The following PBX3 variants were observed in gnomAD, a reference collection of about 807,000 sequenced individuals.
PBX3 encodes pre-B-cell leukemia transcription factor 3.
Under a neutral mutation model 48.5 loss-of-function variants are expected in PBX3, and 14 were observed. The ratio of observed to expected loss-of-function variants is 0.29; its 90% CI spans 0.19 to 0.45. PBX3 has a LOEUF of 0.45. Among genes scored for constraint, PBX3 ranks in the 20% least tolerant of loss-of-function variants. PBX3 has a pLI of 1.00. For missense variants in PBX3, 386 were observed against 546.7 expected (o/e 0.71, Z 2.93); for synonymous variants, 210 against 200.3 (o/e 1.05, Z -0.41).
intron 2 of PBX3, among the ~76,000 whole-genome samples, chr9:125,877,880 A>G (rs528800068): frequency 6.6e-6 from 1 of 152,218 alleles, no homozygotes; most frequent in African/African-American, 2.4e-5. Flanking sequence ...TATGAGAATT[A>G]CTCTTAATCT....
At position 125,832,430 on chromosome 9, in the gene PBX3, C is replaced by T. The variant is rs993470708; in HGVS notation, c.275-83256C>T. Among the ~76,000 whole-genome samples the T allele has an allele frequency of 7.2e-5, 11 of 152,208 alleles. No homozygotes were observed. In the South Asian group the frequency reaches 2.3e-3, roughly 32 times the overall value. ...CAGGATGGTCTCGATCTCCTTACCT[C>T]GTGATCCACCCGCCTCGGCCTCCCA... On this transcript the variant is annotated intron_variant, in intron 2 of 8. Transcript: ENST00000373489.
In PBX3 at chr9:125,780,727, A is replaced by AC. The variant is rs371791479; in HGVS notation, c.274+32112dup. Among the ~76,000 whole-genome samples the AC allele has an allele frequency of 2.7e-4, 20 of 73,644 alleles. 1 individual carries two copies. Among genetic ancestry groups the AC allele is most frequent in the Non-Finnish European group, 4.7e-4 (18 of 38,304 alleles). 48.3% of individuals were successfully genotyped at this position (73,644 alleles called of 152,430 possible). ...CACCTCCCTCCCGGACGGGGGGCTGACCCCCCCCACCTCCCTCCCGGACAG... is the reference window on the plus strand; with the variant it reads ...CACCTCCCTCCCGGACGGGGGGCTGACCCCCCCCCACCTCCCTCCCGGACAG... On this transcript the variant is annotated intron_variant, in intron 2 of 8. Coordinates refer to ENST00000373489, the MANE Select transcript of PBX3 (RefSeq NM_006195.6).
At position 125,959,645 on chromosome 9, in the gene PBX3, A is replaced by G. The variant is rs377069523; in HGVS notation, c.844-1039A>G. Among the ~76,000 whole-genome samples, 15 of 152,350 alleles carry G rather than the reference A, an allele frequency of 9.8e-5. No homozygotes were observed. In the South Asian group the frequency reaches 2.9e-3, roughly 29 times the overall value. On this transcript the variant is annotated intron_variant, in intron 5 of 8. Transcript: ENST00000373489. ...TACATACTACTCCTTACGTCTCTTC[A>G]GGGCCCCTATGAATAGCTGTTAAGT... is the stretch of plus-strand genomic sequence containing the variant.
At chr9:125,856,489 A>G (rs1023241276) in intron 2 of PBX3, among the ~76,000 whole-genome samples, 32 of 152,236 alleles carry the variant, frequency 2.1e-4, no homozygotes, top group African/African-American at 7.7e-4. Flanking sequence ...CTGTATTTGC[A>G]GTGATCGGGG....
In PBX3 at chr9:125,929,771, T is replaced by G. The variant is rs1453162545; in HGVS notation, c.633T>G (p.Ser211Arg). The G allele has an allele frequency of 6.2e-7, 1 of 1,614,034 alleles. No homozygotes were observed. The highest frequency in any genetic ancestry group is 2.2e-5 in the East Asian group (1 of 44,874). The change falls in exon 4 of 9, where the codon AGT becomes AGG. Residue 211 changes from serine to arginine, a missense_variant. Around this residue, in one of 4 missense-constraint regions of PBX3, gnomAD observed 74 missense variants for 206.1 expected, o/e 0.36. Coordinates refer to ENST00000373489, the MANE Select transcript of PBX3 (RefSeq NM_006195.6). ...TGGGCATCATCCATCGAAAATTTAG[T>G]TCCATTCAGATGCAGCTCAAACAAA... ...RMVGIIHRKF[S>R]SIQMQLKQST... is the part of the protein sequence containing the mutation.
At chr9:125,802,497 T>G (rs560727993) in intron 2 of PBX3, among the ~76,000 whole-genome samples, 1 of 150,462 alleles carries the variant, frequency 6.6e-6, no homozygotes, top group African/African-American at 2.4e-5. Context: ...GCCTCCCAAG[T>G]AGCTGAGACT....
chr9:125,768,540 A>G (rs564607784), intron 2 of PBX3, among the ~76,000 whole-genome samples: 39 of 152,346 alleles, frequency 2.6e-4, no homozygotes, highest in Admixed American at 5.9e-4. Flanking sequence ...ATGTTATCCT[A>G]AACAGCATTT....
intron 2 of PBX3, among the ~76,000 whole-genome samples, chr9:125,755,901 T>C (rs1010215470): frequency 3.9e-5 from 6 of 152,062 alleles, no homozygotes; most frequent in African/African-American, 1.4e-4. Context: ...CTAAAATTTT[T>C]GTGTCACCTA....
intron 2 of PBX3, among the ~76,000 whole-genome samples, chr9:125,845,446 T>C (rs780768393): frequency 7.2e-5 from 11 of 152,116 alleles, no homozygotes; most frequent in Non-Finnish European, 1.5e-4. Flanking sequence ...TGTACTGTTG[T>C]AAGGTAGAAA....
chr9:125,800,352 C>T (rs766234566), intron 2 of PBX3, among the ~76,000 whole-genome samples: 1 of 152,134 alleles, frequency 6.6e-6, no homozygotes, highest in Non-Finnish European at 1.5e-5. Flanking sequence ...TTTAGAGTAC[C>T]TCAGTGGTAT....
chr9:125,948,722 A>C (rs72752665), intron 5 of PBX3, among the ~76,000 whole-genome samples: 1 of 96,724 alleles, frequency 1.0e-5, no homozygotes, highest in Non-Finnish European at 2.5e-5. Flanking sequence ...GTGTGTGTGT[A>C]TATATATATA....
intron 2 of PBX3, among the ~76,000 whole-genome samples, chr9:125,798,583 T>C (rs1263646598): frequency 6.6e-6 from 1 of 152,168 alleles, no homozygotes; most frequent in African/African-American, 2.4e-5. Context: ...AAGGCATTTA[T>C]TTGAGTTCTG....
intron 5 of PBX3, among the ~76,000 whole-genome samples, chr9:125,950,640 C>T (rs1375151491): frequency 2.6e-5 from 4 of 152,072 alleles, no homozygotes; most frequent in Admixed American, 6.5e-5. Context: ...CACCACCATG[C>T]CTGGCTAATT....
chr9:125,748,473 G>C (rs987936728), intron 1 of PBX3, 77 bp from the exon 2 acceptor site: 8 of 1,565,046 alleles, frequency 5.1e-6, no homozygotes, highest in South Asian at 3.4e-5. Flanking sequence ...TTAAATCTTG[G>C]GTCTAACTTA....
At chr9:125,897,496 C>T (rs1486048598) in intron 2 of PBX3, among the ~76,000 whole-genome samples, 1 of 151,744 alleles carries the variant, frequency 6.6e-6, no homozygotes, top group Non-Finnish European at 1.5e-5. Flanking sequence ...ACTATTATCT[C>T]ATTCTGGCCA....
intron 2 of PBX3, among the ~76,000 whole-genome samples, chr9:125,894,496 C>G (rs1840723716): frequency 6.6e-6 from 1 of 151,888 alleles, no homozygotes; most frequent in African/African-American, 2.4e-5. Context: ...TTTTTTTGCT[C>G]TAGCACAAGA....
At chr9:125,783,155 C>T (rs1036318547) in intron 2 of PBX3, among the ~76,000 whole-genome samples, 2 of 152,134 alleles carry the variant, frequency 1.3e-5, no homozygotes, top group African/African-American at 4.8e-5. Flanking sequence ...TTCTGTCTCT[C>T]CTTTCTTTTT....
At chr9:125,825,052 A>G (rs10986957) in intron 2 of PBX3, among the ~76,000 whole-genome samples, 9,139 of 152,210 alleles carry the variant, frequency 0.06, 629 homozygotes, top group East Asian at 0.17. Flanking sequence ...TGGGAGGCTG[A>G]GGCAGTGGAT....
At chr9:125,839,383 C>G (rs1839225404) in intron 2 of PBX3, among the ~76,000 whole-genome samples, 1 of 152,188 alleles carries the variant, frequency 6.6e-6, no homozygotes, top group African/African-American at 2.4e-5. Context: ...AGATCTCTCA[C>G]TTGTTCAGAT....
Sources: allele counts gnomAD v4.1 joint callset (sites outside exome capture counted in the v4.1 genomes callset), GRCh38; gene constraint gnomAD v4.1.1; regional missense constraint gnomAD v4.1.1; transcripts MANE v1.5; gene names NCBI Gene and HGNC (gene_info 2026-07-23, HGNC 2026-07-21).